ATRX: variants seen among roughly 807,000 people sequenced by gnomAD.
The protein encoded by ATRX is ATRX chromatin remodeler.
Under a neutral mutation model 172.6 loss-of-function variants are expected in ATRX, and 12 were observed. The ratio of observed to expected loss-of-function variants is 0.07; its 90% CI spans 0.04 to 0.11. ATRX has a LOEUF of 0.11. ATRX is among the 10% of genes least tolerant of loss of function. The pLI is 1.00. For synonymous variants in ATRX, 674 were observed against 594.7 expected (o/e 1.13, Z -1.94); for missense variants, 1,368 against 1,767.4 (o/e 0.77, Z 4.05).
At chrX:77,649,824 CT>C (rs1408612031) in intron 15 of ATRX, among the ~76,000 whole-genome samples, 20 of 112,238 alleles carry the variant, frequency 1.8e-4, no homozygotes, top group African/African-American at 6.2e-4. Flanking sequence ...CAATAAAACT[CT>C]TTCTTTTATA....
rs782750992 is a variant in ATRX at position 77,643,068 on chromosome X, T to C, written c.4558-7012A>G. On this transcript the variant is annotated intron_variant, in intron 15 of 34. Coordinates refer to ENST00000373344, the MANE Select transcript of ATRX (RefSeq NM_000489.6). ...ACCTACCAGAAGGTGAAGGTTTTAG[T>C]CTCAAAGCAGCAGCACCCTGTTTCC... is the stretch of plus-strand genomic sequence containing the variant. Among the ~76,000 whole-genome samples the C allele has an allele frequency of 8.9e-4, 100 of 112,112 alleles. 1 individual carries two copies. The highest frequency in any genetic ancestry group is 5.6e-3 in the South Asian group (15 of 2,702).
Position 77,721,092 on chromosome X carries a change from T to C in ATRX, c.21-3849A>G, listed in dbSNP as rs782288151. Among the ~76,000 whole-genome samples, 8 of 111,771 alleles carry C rather than the reference T, an allele frequency of 7.2e-5. No homozygotes were observed. In the South Asian group the frequency reaches 3.0e-3, roughly 42 times the overall value. ...GACAAAAACCACATGATTATCTCAA[T>C]AGATGCAGAAAAGGACTTCAATAAA... On this transcript the variant is annotated intron_variant, in intron 1 of 34. Coordinates refer to ENST00000373344, the MANE Select transcript of ATRX (RefSeq NM_000489.6).
At chrX:77,761,514 G>A (rs1472572739) in intron 1 of ATRX, among the ~76,000 whole-genome samples, 3 of 111,274 alleles carry the variant, frequency 2.7e-5, no homozygotes, top group African/African-American at 6.5e-5. Flanking sequence ...TCCAGCTGAG[G>A]CAACAGCGAG....
At chrX:77,588,148 A>G (rs782299099) in intron 27 of ATRX, among the ~76,000 whole-genome samples, 7 of 112,366 alleles carry the variant, frequency 6.2e-5, no homozygotes, top group Non-Finnish European at 1.1e-4. Context: ...TTCCTTTTTA[A>G]TAAGAGTGAC....
intron 28 of ATRX, among the ~76,000 whole-genome samples, chrX:77,568,928 T>G (rs909353423): frequency 9.0e-6 from 1 of 111,169 alleles, no homozygotes; most frequent in Admixed American, 9.6e-5. Flanking sequence ...CTCAGAAAAT[T>G]AAGAATAGAG....
At chrX:77,720,804 G>A (rs993908317) in intron 1 of ATRX, among the ~76,000 whole-genome samples, 3 of 111,412 alleles carry the variant, frequency 2.7e-5, no homozygotes, top group Non-Finnish European at 5.7e-5. Flanking sequence ...GAAAACGAGG[G>A]AATCCTCCCT....
intron 15 of ATRX, 130 bp downstream of exon 15, chrX:77,651,984 C>T: frequency 3.2e-6 from 2 of 628,024 alleles, no homozygotes; most frequent in South Asian, 2.5e-5. Flanking sequence ...TTGACTCACG[C>T]CTGTAATCCC....
intron 34 of ATRX, among the ~76,000 whole-genome samples, chrX:77,518,441 T>C (rs1941564130): frequency 9.0e-6 from 1 of 111,459 alleles, no homozygotes; most frequent in South Asian, 3.7e-4. Context: ...AGGAATAAAC[T>C]TAACCAAAGA....
chrX:77,601,814 A>C (rs1557087307), intron 22 of ATRX, among the ~76,000 whole-genome samples: 1 of 112,105 alleles, frequency 8.9e-6, no homozygotes, highest in African/African-American at 3.2e-5. Context: ...AATGCATAAA[A>C]ATCTGCTGAG....
In ATRX at chrX:77,785,966, C is replaced by G. The variant is rs1394509249; in HGVS notation, c.20+16G>C. On this transcript the variant is annotated intron_variant, in intron 1 of 34. Coordinates refer to ENST00000373344, the MANE Select transcript of ATRX (RefSeq NM_000489.6). ...GCCCAGACCGCTGGGGCCCATGAGACGGGGTTGCGTTTTACCTCATGGGCT... is the reference window on the plus strand; with the variant it reads ...GCCCAGACCGCTGGGGCCCATGAGAGGGGGTTGCGTTTTACCTCATGGGCT... 1 of 1,191,003 alleles carries G rather than the reference C, an allele frequency of 8.4e-7. No homozygotes were observed. Among genetic ancestry groups the G allele is most frequent in the African/African-American group, 1.8e-5 (1 of 56,958 alleles).
At chrX:77,603,111 T>C (rs1019054742) in intron 22 of ATRX, among the ~76,000 whole-genome samples, 6 of 111,256 alleles carry the variant, frequency 5.4e-5, no homozygotes, top group African/African-American at 1.6e-4. Context: ...TGAAAAATTA[T>C]ATACCAAGAA....
chrX:77,607,484 C>T (rs1395512603), intron 22 of ATRX, among the ~76,000 whole-genome samples: 3 of 110,709 alleles, frequency 2.7e-5, no homozygotes, highest in Admixed American at 1.9e-4. Flanking sequence ...GAGATCAATG[C>T]GGGTGGATCA....
chrX:77,762,200 A>T (rs1458632637), intron 1 of ATRX, among the ~76,000 whole-genome samples: 4 of 105,034 alleles, frequency 3.8e-5, no homozygotes, highest in African/African-American at 1.4e-4. Context: ...GCTACTCGGG[A>T]GGCTGAGGCA....
At chrX:77,764,008 G>A (rs2075818387) in intron 1 of ATRX, among the ~76,000 whole-genome samples, 1 of 110,327 alleles carries the variant, frequency 9.1e-6, no homozygotes, top group African/African-American at 3.3e-5. Flanking sequence ...CAGCTACTGT[G>A]GAGGCTAAGG....
chrX:77,707,011 A>T (rs782690032), intron 2 of ATRX, among the ~76,000 whole-genome samples: 21 of 113,043 alleles, frequency 1.9e-4, no homozygotes, highest in African/African-American at 6.7e-4. Flanking sequence ...AATGTGGTAT[A>T]TACATACAAT....
chrX:77,603,135 C>A (rs2066744364), intron 22 of ATRX, among the ~76,000 whole-genome samples: 1 of 110,936 alleles, frequency 9.0e-6, no homozygotes, highest in Non-Finnish European at 1.9e-5. Flanking sequence ...GAATAATCTA[C>A]AGGAAATAAA....
chrX:77,658,011 C>G (rs1322045755), intron 12 of ATRX, among the ~76,000 whole-genome samples: 1 of 110,794 alleles, frequency 9.0e-6, no homozygotes, highest in African/African-American at 3.3e-5. Flanking sequence ...GAATTTGAGA[C>G]CAGCCTGGGC....
chrX:77,536,649 A>G (rs182531753), intron 30 of ATRX, among the ~76,000 whole-genome samples: 1 of 112,006 alleles, frequency 8.9e-6, no homozygotes, highest in African/African-American at 3.2e-5. Context: ...GAAAATGGGG[A>G]AAAAAATTAA....
intron 30 of ATRX, among the ~76,000 whole-genome samples, chrX:77,533,470 C>A (rs2063649390): frequency 8.9e-6 from 1 of 112,012 alleles, no homozygotes; most frequent in Non-Finnish European, 1.9e-5. Flanking sequence ...GGAACAAGAT[C>A]ATGTCCTTTG....
Sources: allele counts gnomAD v4.1 joint callset (sites outside exome capture counted in the v4.1 genomes callset), GRCh38; gene constraint gnomAD v4.1.1; transcripts MANE v1.5; gene names NCBI Gene and HGNC (gene_info 2026-07-23, HGNC 2026-07-21).